Variants in TAB1 observed in about 807,000 individuals in gnomAD.
The protein encoded by TAB1 is TGF-beta-activated kinase 1 and MAP3K7-binding protein 1.
Under a neutral mutation model 54.5 loss-of-function variants are expected in TAB1, and 30 were observed. The observed-to-expected ratio is 0.55, with a 90% CI of 0.41 to 0.75. The LOEUF is 0.75. Ranked by LOEUF, TAB1 falls within the 30% of genes least tolerant of loss-of-function variation. The pLI, the probability that TAB1 is intolerant of heterozygous loss-of-function variation, is 0.00. For synonymous variants in TAB1, 289 were observed against 286.9 expected, an observed-to-expected ratio of 1.01 and a Z score of -0.07; for missense variants, 609 against 683.2, an observed-to-expected ratio of 0.89 and a Z score of 1.21.
At chr22:39,418,926 T>C in intron 6 of TAB1, 81 bp downstream of exon 6, 1 of 1,152,528 alleles carries the variant, frequency 8.7e-7, no homozygotes, top group East Asian at 2.4e-5. Context: ...TAGAGAGGCG[T>C]GTGGTAGAGG....
In TAB1 at chr22:39,414,543, C is replaced by T. The variant is rs1051053071; in HGVS notation, c.34-463C>T. ...CATCACCCATGGGGAGCGGCCTGCA[C>T]TGCAGATGTCCCGGGCCCTGCCCAG... On this transcript the variant is annotated intron_variant, in intron 1 of 10. Coordinates refer to ENST00000216160, the MANE Select transcript of TAB1 (RefSeq NM_006116.3). 4.6e-5 allele frequency among the ~76,000 whole-genome samples: 7 copies of T among 152,218 alleles called. No homozygotes were observed. In the South Asian group the frequency reaches 1.0e-3, roughly 22 times the overall value.
intron 1 of TAB1, among the ~76,000 whole-genome samples, chr22:39,404,870 TGGG>T (rs999309571): frequency 2.8e-4 from 42 of 152,048 alleles, no homozygotes; most frequent in Middle Eastern, 3.4e-3. Context: ...GTGGGAGAAG[TGGG>T]GGCCAGGAGT....
In TAB1 at chr22:39,418,838, G is replaced by A. The variant is rs143506704; in HGVS notation, c.657G>A (p.Ser219=). The change falls in exon 6 of 11, where the codon TCG becomes TCA. Residue 219 remains serine (S), a synonymous_variant. Coordinates refer to ENST00000216160, the MANE Select transcript of TAB1 (RefSeq NM_006116.3). ...TENEDELFRL[S]QLGLDAGKIK... ...ACGAGGATGAGCTCTTCCGTCTTTC[G>A]CAGCTGGGTGAGTGGGGAGAGTGGG... 2,806 of 1,613,428 alleles carry A rather than the reference G, an allele frequency of 1.7e-3. 18 individuals are homozygous for A. Among genetic ancestry groups the A allele is most frequent in the Non-Finnish European group, 1.1e-3 (1,280 of 1,179,470 alleles).
intron 4 of TAB1, among the ~76,000 whole-genome samples, chr22:39,417,485 T>C (rs1926884717): frequency 6.6e-6 from 1 of 151,686 alleles, no homozygotes; most frequent in Admixed American, 6.6e-5. Context: ...CTGGGCGTGG[T>C]GGTGGGCGCC....
chr22:39,402,471 C>T (rs1196027165), intron 1 of TAB1, among the ~76,000 whole-genome samples: 1 of 152,150 alleles, frequency 6.6e-6, no homozygotes, highest in Non-Finnish European at 1.5e-5. Flanking sequence ...CAAGGGTATG[C>T]TGGGGCCACT....
Position 39,428,018 on chromosome 22 carries a change from A to G in TAB1, c.1145-3A>G, listed in dbSNP as rs1228795084. On this transcript the variant is annotated splice_polypyrimidine_tract_variant and splice_region_variant and intron_variant, in intron 9 of 10. Transcript: ENST00000216160. The stretch of plus-strand genomic sequence containing the variant: ...TGAGGCCCCCACTCTCTTCCTCCCA[A>G]AGCTGCAGGAGGACGAGTGTACCCT... The G allele has an allele frequency of 6.3e-7, 1 of 1,580,268 alleles. No homozygotes were observed. The highest frequency in any genetic ancestry group is 1.7e-5 in the Admixed American group (1 of 58,344).
rs867574958 is a variant in TAB1, at chr22:39,429,301, C to T, written c.1308-714C>T. 23 of 985,186 alleles carry T rather than the reference C, an allele frequency of 2.3e-5. No individual in the cohort carries two copies. The Middle Eastern group carries it at 2.6e-3, about 111-fold the overall frequency. 61.0% of individuals were successfully genotyped at this position (985,186 alleles called of 1,614,324 possible). ...GTTTTCTAGAAGAAGACACCTTGCC[C>T]GCCCTGCTGAGTAGGTCCTGGGTTG... is the stretch of plus-strand genomic sequence containing the variant. On this transcript the variant is annotated intron_variant, in intron 10 of 10. Coordinates refer to ENST00000216160, the MANE Select transcript of TAB1 (RefSeq NM_006116.3).
chr22:39,430,511 G>T lies in TAB1; in HGVS notation c.*289G>T. On this transcript the variant is annotated 3_prime_UTR_variant, in exon 11 of 11. Coordinates refer to ENST00000216160, the MANE Select transcript of TAB1 (RefSeq NM_006116.3). ...GGGCCAGGTATAGAAACCGCAGTGG[G>T]CCTGCAAGCCGCCCGAGCCTCCCCA... 1 of 1,305,808 alleles carries T rather than the reference G, an allele frequency of 7.7e-7. No individual in the cohort carries two copies. Among genetic ancestry groups the T allele is most frequent in the South Asian group, 1.7e-5 (1 of 60,566 alleles). 80.9% of individuals were successfully genotyped at this position (1,305,808 alleles called of 1,614,324 possible).
In TAB1 at chr22:39,422,693, G is replaced by A. The variant is rs141359400; in HGVS notation, c.921+722G>A. ...ATTACAGGCGTGAGCCACCGCGCCC[G>A]GCAGTTCACTTCTCATTTCTACAGT... is the stretch of plus-strand genomic sequence containing the variant. On this transcript the variant is annotated intron_variant, in intron 8 of 10. Coordinates refer to ENST00000216160, the MANE Select transcript of TAB1 (RefSeq NM_006116.3). Among the ~76,000 whole-genome samples, 690 of 152,112 alleles carry A rather than the reference G, an allele frequency of 4.5e-3. 6 individuals carry two copies. The highest frequency in any genetic ancestry group is 0.015 in the African/African-American group (640 of 41,492).
chr22:39,416,804 T>G lies in TAB1; in HGVS notation c.338T>G (p.Val113Gly), dbSNP rs1926852905. 6.2e-7 allele frequency: 1 copy of G among 1,614,198 alleles called. No homozygotes were observed. Among genetic ancestry groups the G allele is most frequent in the Non-Finnish European group, 8.5e-7 (1 of 1,180,030 alleles). Residue 113 changes from valine (V) to glycine (G), a missense_variant, in exon 4 of 11, where the codon GTG (valine) becomes GGG (glycine). Physicochemically the swap from Val to Gly is moderately radical, Grantham distance 109. Coordinates refer to ENST00000216160, the MANE Select transcript of TAB1 (RefSeq NM_006116.3). ...GTGTCCCCCTAGGCCTTCGATGTGG[T>G]GGAGAGGAGCTTCCTGGAGTCCATT... is the stretch of plus-strand genomic sequence containing the variant. ...RRVLLQAFDV[V>G]ERSFLESIDD...
At chr22:39,429,268 G>A (rs1014635634) in intron 10 of TAB1, 5 of 985,326 alleles carry the variant, frequency 5.1e-6, no homozygotes, top group Non-Finnish European at 3.6e-6. Flanking sequence ...GGAGGGGGGC[G>A]AAGGAAGGTT....
Position 39,428,181 on chromosome 22 carries a change from C to T in TAB1, c.1305C>T (p.Thr435=). The T allele has an allele frequency of 5.6e-6, 9 of 1,597,170 alleles. No individual in the cohort carries two copies. The highest frequency in any genetic ancestry group is 6.8e-6 in the Non-Finnish European group (8 of 1,168,402). Reference sequence around the variant, plus strand: ...TGGACGAAGCCACCCCCACCCTCACCAAGTAAGTCCCTTCCCCACTGAGCC... The same window carrying T: ...TGGACGAAGCCACCCCCACCCTCACTAAGTAAGTCCCTTCCCCACTGAGCC... ...STLDEATPTL[T]NQSPTLTLQS... The change falls in exon 10 of 11, where the codon ACC becomes ACT. Residue 435 remains threonine, a splice_region_variant and synonymous_variant. Coordinates refer to ENST00000216160, the MANE Select transcript of TAB1 (RefSeq NM_006116.3).
Position 39,415,390 on chromosome 22 carries a change from CT to C in TAB1, c.171-109del. ...AAAGCAGGGGGACCCAGGAGGGCCC[CT>C]GAAGCTGCAGCTGCTGTCGCTTTAG... On this transcript the variant is annotated intron_variant, in intron 2 of 10. Coordinates refer to ENST00000216160, the MANE Select transcript of TAB1 (RefSeq NM_006116.3). The surrounding 1 kb of genome is among the most constrained non-coding windows in gnomAD (Gnocchi z 4.9). 2 of 1,373,778 alleles carry C rather than the reference CT, an allele frequency of 1.5e-6. No individual in the cohort carries two copies. Among genetic ancestry groups the C allele is most frequent in the Non-Finnish European group, 2.0e-6 (2 of 992,744 alleles). 85.1% of individuals were successfully genotyped at this position (1,373,778 alleles called of 1,614,324 possible). A position where few individuals can be genotyped will look rare whatever the true frequency, so the allele number is the denominator to read the frequency against.
At chr22:39,401,956 C>T (rs1852937351) in intron 1 of TAB1, among the ~76,000 whole-genome samples, 1 of 152,154 alleles carries the variant, frequency 6.6e-6, no homozygotes, top group African/African-American at 2.4e-5. Flanking sequence ...ATGAATGAGG[C>T]GTGGTGCCCA....
rs750884089 is a variant in TAB1, at chr22:39,430,504, G to T, written c.*282G>T. On this transcript the variant is annotated 3_prime_UTR_variant, in exon 11 of 11. Coordinates refer to ENST00000216160, the MANE Select transcript of TAB1 (RefSeq NM_006116.3). ...GAGCAGAGGGCCAGGTATAGAAACC[G>T]CAGTGGGCCTGCAAGCCGCCCGAGC... is the stretch of plus-strand genomic sequence containing the variant. The T allele has an allele frequency of 2.3e-6, 3 of 1,325,062 alleles. No individual in the cohort carries two copies. The highest frequency in any genetic ancestry group is 1.9e-6 in the Non-Finnish European group (2 of 1,030,018). 82.1% of individuals were successfully genotyped at this position (1,325,062 alleles called of 1,614,324 possible). A position where few individuals can be genotyped will look rare whatever the true frequency, so the allele number is the denominator to read the frequency against.
intron 1 of TAB1, chr22:39,414,702 G>A (rs910015679): frequency 3.1e-6 from 1 of 324,502 alleles, no homozygotes. Flanking sequence ...AAGAGTCTGC[G>A]ACATTTGTGT....
chr22:39,419,511 C>T lies in TAB1; in HGVS notation c.665-8C>T, dbSNP rs1569198632. 1.3e-6 allele frequency: 2 copies of T among 1,596,024 alleles called. No individual in the cohort carries two copies. Among genetic ancestry groups the T allele is most frequent in the Admixed American group, 1.7e-5 (1 of 58,262 alleles). On this transcript the variant is annotated splice_polypyrimidine_tract_variant and splice_region_variant and intron_variant, in intron 6 of 10. Coordinates refer to ENST00000216160, the MANE Select transcript of TAB1 (RefSeq NM_006116.3). ...GAAGCAGGATTGTTGCACTGTTTCC[C>T]TCCGTAGGCTTGGATGCTGGAAAGA...
chr22:39,412,924 T>C (rs1251351149), intron 1 of TAB1, among the ~76,000 whole-genome samples: 1 of 88,516 alleles, frequency 1.1e-5, no homozygotes, highest in South Asian at 3.9e-4. Flanking sequence ...TGAGATGGAG[T>C]CTTTTTTTGA....
chr22:39,402,614 G>A (rs1405083149), intron 1 of TAB1, among the ~76,000 whole-genome samples: 3 of 152,166 alleles, frequency 2.0e-5, no homozygotes, highest in Non-Finnish European at 2.9e-5. Context: ...GTGAAGCGGT[G>A]TGATCTCGGC....
Sources: gnomAD v4.1 joint callset for allele counts (sites outside exome capture counted in the v4.1 genomes callset) on GRCh38, gnomAD v4.1.1 for gene constraint, Gnocchi (gnomAD v3.1) non-coding constraint, MANE v1.5 for transcripts, NCBI Gene and HGNC (gene_info 2026-07-23, HGNC 2026-07-21) for gene names.